ELAVL2: variants seen among roughly 807,000 people sequenced by gnomAD.
ELAVL2 encodes the protein ELAV-like protein 2.
A neutral mutation model predicts 34.6 loss-of-function variants in ELAVL2; 4 were observed. The ratio of observed to expected loss-of-function variants is 0.12; its 90% confidence interval spans 0.06 to 0.26. The LOEUF is 0.26. Among genes scored for constraint, ELAVL2 ranks in the 10% least tolerant of loss-of-function variants. The pLI, the probability that ELAVL2 is intolerant of heterozygous loss-of-function variation, is 1.00. For synonymous variants in ELAVL2, 193 were observed against 154.8 expected (o/e 1.25, Z -1.83); for missense variants, 432 against 442.8 (o/e 0.98, Z 0.22).
intron 1 of ELAVL2, among the ~76,000 whole-genome samples, 170 bp downstream of exon 1, chr9:23,825,636 A>G (rs925340774): frequency 6.6e-6 from 1 of 152,226 alleles, no homozygotes; most frequent in Admixed American, 6.5e-5. Flanking sequence ...GCATGCGTCC[A>G]CCGTCTTTTA....
intron 1 of ELAVL2, among the ~76,000 whole-genome samples, chr9:23,808,219 A>G (rs915890927): frequency 1.4e-5 from 2 of 145,762 alleles, no homozygotes; most frequent in Admixed American, 1.4e-4. Flanking sequence ...CACCTCCCAC[A>G]CTGTGTTATA....
chr9:23,749,202 T>C (rs961549650), intron 2 of ELAVL2, among the ~76,000 whole-genome samples: 35 of 152,118 alleles, frequency 2.3e-4, no homozygotes, highest in African/African-American at 8.2e-4. Context: ...ATGACACGTG[T>C]GCACCAGCCA....
intron 1 of ELAVL2, among the ~76,000 whole-genome samples, chr9:23,765,543 A>G (rs1297381838): frequency 6.6e-6 from 1 of 152,178 alleles, no homozygotes; most frequent in East Asian, 1.9e-4. Context: ...CTTTCCCCAA[A>G]ATATCAGAAA....
intron 1 of ELAVL2, among the ~76,000 whole-genome samples, chr9:23,786,749 C>T (rs887650968): frequency 7.3e-6 from 1 of 136,848 alleles, no homozygotes; most frequent in Non-Finnish European, 1.5e-5. Context: ...AAGCAGGAAA[C>T]CTGCAGTAGT....
chr9:23,849,009 C>G, the ELAVL2 span, among the ~76,000 whole-genome samples: 1 of 151,710 alleles, frequency 6.6e-6, no homozygotes, highest in Non-Finnish European at 1.5e-5. Flanking sequence ...TTTAAAAGTG[C>G]AAAACAGGCC....
intron 1 of ELAVL2, among the ~76,000 whole-genome samples, chr9:23,763,832 T>C (rs35925975): frequency 0.033 from 4,965 of 152,208 alleles, 90 homozygotes; most frequent in East Asian, 0.073. Context: ...GTAACCCCTC[T>C]GTGACTTCAT....
chr9:23,754,771 G>C (rs1215187668), intron 2 of ELAVL2, among the ~76,000 whole-genome samples: 1 of 152,154 alleles, frequency 6.6e-6, no homozygotes, highest in African/African-American at 2.4e-5. Context: ...CTGGCATCAA[G>C]TATTATTTTA....
chr9:23,722,757 C>T (rs767048139), intron 3 of ELAVL2, among the ~76,000 whole-genome samples: 15 of 152,320 alleles, frequency 9.8e-5, no homozygotes, highest in Non-Finnish European at 1.9e-4. Flanking sequence ...TTTATTTCAT[C>T]AAAGGGATTA....
At chr9:23,757,995 G>T (rs2135857787) in intron 2 of ELAVL2, among the ~76,000 whole-genome samples, 1 of 152,156 alleles carries the variant, frequency 6.6e-6, no homozygotes, top group South Asian at 2.1e-4. Flanking sequence ...TTTAAGAAAA[G>T]GGAAAAGGAA....
intron 1 of ELAVL2, among the ~76,000 whole-genome samples, chr9:23,805,627 G>T (rs1035273430): frequency 4.6e-5 from 7 of 152,154 alleles, no homozygotes; most frequent in African/African-American, 1.4e-4. Context: ...GGAGAACCTG[G>T]CCCAATAACG....
intron 1 of ELAVL2, among the ~76,000 whole-genome samples, chr9:23,811,097 C>A (rs1294045278): frequency 6.6e-6 from 1 of 152,142 alleles, no homozygotes; most frequent in Non-Finnish European, 1.5e-5. Context: ...TGTCTTCACT[C>A]TTCCTGTCTA....
chr9:23,734,579 T>C (rs2047367862), intron 2 of ELAVL2, among the ~76,000 whole-genome samples: 1 of 152,204 alleles, frequency 6.6e-6, no homozygotes, highest in Non-Finnish European at 1.5e-5. Context: ...GTACCCAATA[T>C]GCCTGAATAA....
At chr9:23,714,271 T>C (rs192554253) in intron 3 of ELAVL2, among the ~76,000 whole-genome samples, 60 of 152,324 alleles carry the variant, frequency 3.9e-4, no homozygotes, top group Non-Finnish European at 7.3e-4. Flanking sequence ...TCAGGAAAGA[T>C]GACACAGAGG....
intron 3 of ELAVL2, among the ~76,000 whole-genome samples, chr9:23,711,485 C>T (rs976078870): frequency 1.3e-5 from 2 of 152,146 alleles, no homozygotes; most frequent in African/African-American, 4.8e-5. Flanking sequence ...CTACCTCTTC[C>T]ATACAAGTAT....
intron 2 of ELAVL2, among the ~76,000 whole-genome samples, chr9:23,750,527 G>A: frequency 6.6e-6 from 1 of 152,056 alleles, no homozygotes; most frequent in Non-Finnish European, 1.5e-5. Context: ...GTAGTACACT[G>A]TCTGCACCAT....
intron 1 of ELAVL2, among the ~76,000 whole-genome samples, chr9:23,792,414 A>G (rs945884077): frequency 2.6e-5 from 4 of 152,128 alleles, no homozygotes; most frequent in Admixed American, 6.5e-5. Flanking sequence ...CATAACTGCT[A>G]ATTTACCTTC....
chr9:23,827,281 C>A (rs1231614527), upstream of ELAVL2, among the ~76,000 whole-genome samples: 1 of 152,194 alleles, frequency 6.6e-6, no homozygotes, highest in Non-Finnish European at 1.5e-5. Flanking sequence ...CAAGTGCTAT[C>A]AATGCTTCTG....
intron 2 of ELAVL2, among the ~76,000 whole-genome samples, chr9:23,731,739 T>A (rs894758871): frequency 1.3e-5 from 2 of 151,898 alleles, no homozygotes; most frequent in Non-Finnish European, 2.9e-5. Flanking sequence ...AACAGGAAAA[T>A]ATGAACACAA....
intron 2 of ELAVL2, among the ~76,000 whole-genome samples, chr9:23,744,331 A>C (rs1027105078): frequency 6.6e-6 from 1 of 152,236 alleles, no homozygotes; most frequent in Non-Finnish European, 1.5e-5. Flanking sequence ...ACTCGAAGAA[A>C]TGAATGTTTT....
Sources: gnomAD v4.1 joint callset for allele counts (sites outside exome capture counted in the v4.1 genomes callset) on GRCh38, gnomAD v4.1.1 for gene constraint, MANE v1.5 for transcripts, NCBI Gene and HGNC (gene_info 2026-07-23, HGNC 2026-07-21) for gene names.